Variants in NOL4 observed in about 807,000 individuals in gnomAD.
NOL4 encodes the protein nucleolar protein 4.
NOL4 carries 17 observed loss-of-function variants against 75.9 expected under a neutral mutation model. That is an observed-to-expected ratio of 0.22 (90% CI 0.15 to 0.34). The LOEUF (loss-of-function observed/expected upper bound fraction) is 0.34. Ranked by LOEUF, NOL4 falls within the 10% of genes least tolerant of loss-of-function variation. The pLI, the probability that NOL4 is intolerant of heterozygous loss-of-function variation, is 1.00. For synonymous variants in NOL4, 292 were observed against 289.9 expected, an observed-to-expected ratio of 1.01 and a Z score of -0.07; for missense variants, 614 against 793.5, an observed-to-expected ratio of 0.77 and a Z score of 2.72.
chr18:34,158,583 T>A (rs1169092080), intron 1 of NOL4: 1 of 152,194 alleles, frequency 6.6e-6, no homozygotes, highest in Non-Finnish European at 1.5e-5. Flanking sequence ...CGTTTTTACG[T>A]ACTATGTATC....
At chr18:34,221,897 C>T in intron 1 of NOL4, 1 of 742,888 alleles carries the variant, frequency 1.3e-6, no homozygotes, top group Non-Finnish European at 2.2e-6. Context: ...AATACTGCAC[C>T]GGGAAACAGT....
intron 9 of NOL4, among the ~76,000 whole-genome samples, chr18:33,908,481 G>C (rs935634851): frequency 6.6e-6 from 1 of 152,082 alleles, no homozygotes; most frequent in Non-Finnish European, 1.5e-5. Flanking sequence ...TGAGCATTAT[G>C]TTCAATCATA....
chr18:34,210,553 A>T (rs2036444649), intron 1 of NOL4, among the ~76,000 whole-genome samples: 1 of 152,366 alleles, frequency 6.6e-6, no homozygotes, highest in East Asian at 1.9e-4. Context: ...TACAGAGCAG[A>T]TCACTATGAG....
At position 34,172,035 on chromosome 18, in the gene NOL4, T is replaced by C. The variant is rs566864620; in HGVS notation, c.265-42015A>G. Among the ~76,000 whole-genome samples the C allele has an allele frequency of 9.2e-5, 14 of 152,062 alleles. No individual in the cohort carries two copies. In the South Asian group the frequency reaches 2.9e-3, roughly 32 times the overall value. On this transcript the variant is annotated intron_variant, in intron 1 of 10. Transcript: ENST00000261592. Reference sequence around the variant, plus strand: ...TTGTACAAAAGCAAACACCTCAAAATGAGAACTTGACTTAACTTGTAGTTC... The same window carrying C: ...TTGTACAAAAGCAAACACCTCAAAACGAGAACTTGACTTAACTTGTAGTTC...
chr18:34,074,336 T>C (rs2077655444), intron 5 of NOL4, among the ~76,000 whole-genome samples: 1 of 151,602 alleles, frequency 6.6e-6, no homozygotes, highest in African/African-American at 2.4e-5. Flanking sequence ...ACAAAAAGTC[T>C]AAAGAAAAGA....
At chr18:34,057,640 T>C (rs2076886308) in intron 5 of NOL4, among the ~76,000 whole-genome samples, 1 of 152,160 alleles carries the variant, frequency 6.6e-6, no homozygotes. Flanking sequence ...TGCTAGGCAA[T>C]TTGTTAAATA....
chr18:34,140,251 G>A (rs944999249), intron 1 of NOL4, among the ~76,000 whole-genome samples: 10 of 152,200 alleles, frequency 6.6e-5, no homozygotes, highest in Non-Finnish European at 8.8e-5. Context: ...ATTCTGTCCC[G>A]TTGATCTGTC....
chr18:34,034,937 G>C (rs1303220149), intron 5 of NOL4, among the ~76,000 whole-genome samples: 2 of 151,860 alleles, frequency 1.3e-5, no homozygotes, highest in Non-Finnish European at 2.9e-5. Flanking sequence ...CCCAACACTG[G>C]AGCACCCAGA....
At chr18:34,007,375 T>C (rs1334108838) in intron 6 of NOL4, among the ~76,000 whole-genome samples, 1 of 151,966 alleles carries the variant, frequency 6.6e-6, no homozygotes, top group African/African-American at 2.4e-5. Context: ...CCCATACTCT[T>C]CAAAAAGAAA....
At chr18:33,867,540 C>A (rs983618310) in intron 10 of NOL4, among the ~76,000 whole-genome samples, 2 of 151,946 alleles carry the variant, frequency 1.3e-5, no homozygotes, top group Non-Finnish European at 2.9e-5. Context: ...TCTGGTATTT[C>A]CTCAGGGCAT....
At chr18:34,016,738 C>T (rs12607860) in intron 6 of NOL4, among the ~76,000 whole-genome samples, 1,911 of 152,208 alleles carry the variant, frequency 0.013, 32 homozygotes, top group East Asian at 0.088. Context: ...CCATATGTCC[C>T]TCATATCACT....
chr18:34,102,062 T>G (rs2079066692), intron 4 of NOL4, among the ~76,000 whole-genome samples: 1 of 152,006 alleles, frequency 6.6e-6, no homozygotes, highest in Admixed American at 6.6e-5. Context: ...CTCTGCTACA[T>G]GCACACATTT....
At chr18:34,209,172 C>T (rs569019870) in intron 1 of NOL4, among the ~76,000 whole-genome samples, 1,435 of 125,464 alleles carry the variant, frequency 0.011, 16 homozygotes, top group Non-Finnish European at 0.018. Flanking sequence ...CCAGCCTGGG[C>T]GGCAGAGTGA....
At chr18:33,864,545 C>A (rs889527533) in intron 10 of NOL4, among the ~76,000 whole-genome samples, 1 of 152,112 alleles carries the variant, frequency 6.6e-6, no homozygotes, top group African/African-American at 2.4e-5. Context: ...TGGTCAAAAC[C>A]ATTCAACAAG....
intron 10 of NOL4, among the ~76,000 whole-genome samples, chr18:33,882,776 G>A (rs1008194764): frequency 3.3e-5 from 5 of 151,850 alleles, no homozygotes; most frequent in East Asian, 1.9e-4. Flanking sequence ...TTGCGGCACT[G>A]TTCACAATAG....
chr18:34,171,810 A>G (rs750962816), intron 1 of NOL4, among the ~76,000 whole-genome samples: 3 of 152,178 alleles, frequency 2.0e-5, no homozygotes, highest in Non-Finnish European at 2.9e-5. Flanking sequence ...TTTATCAAGT[A>G]GTATTCTAAG....
At chr18:34,015,703 C>T (rs1423947295) in intron 6 of NOL4, among the ~76,000 whole-genome samples, 2 of 152,076 alleles carry the variant, frequency 1.3e-5, no homozygotes, top group South Asian at 2.1e-4. Flanking sequence ...CCATCCTGTA[C>T]CTTTCTTCAG....
chr18:34,026,577 C>A (rs1281076624), intron 5 of NOL4, among the ~76,000 whole-genome samples: 1 of 152,174 alleles, frequency 6.6e-6, no homozygotes, highest in Non-Finnish European at 1.5e-5. Context: ...TAATGGATGT[C>A]ATGGAATGGG....
At chr18:33,893,402 C>G (rs2065213568) in intron 9 of NOL4, among the ~76,000 whole-genome samples, 1 of 152,120 alleles carries the variant, frequency 6.6e-6, no homozygotes, top group South Asian at 2.1e-4. Context: ...GATTTGGACC[C>G]TGAGCCAACA....
Sources: allele counts gnomAD v4.1 joint callset (sites outside exome capture counted in the v4.1 genomes callset), GRCh38; gene constraint gnomAD v4.1.1; transcripts MANE v1.5; gene names NCBI Gene and HGNC (gene_info 2026-07-23, HGNC 2026-07-21).